Variants in DST observed in about 807,000 individuals in gnomAD.
The protein encoded by DST is bullous pemphigoid antigen.
DST carries 253 observed loss-of-function variants against 875.2 expected under a neutral mutation model. The observed-to-expected ratio is 0.29, with a 90% CI of 0.26 to 0.32. DST has a LOEUF of 0.32. Among genes scored for constraint, DST ranks in the 10% least tolerant of loss-of-function variants. The pLI, the probability that DST is intolerant of heterozygous loss-of-function variation, is 1.00. For synonymous variants in DST, 3,124 were observed against 3,197.1 expected (o/e 0.98, Z 0.77); for missense variants, 8,287 against 9,111.6 (o/e 0.91, Z 3.68).
chr6:56,615,788 T>G (rs1287924094), intron 36 of DST: 1 of 1,614,188 alleles, frequency 6.2e-7, no homozygotes, highest in Non-Finnish European at 8.5e-7. Flanking sequence ...TCCTGTCAAG[T>G]ACTGAAATTC....
rs565434191 is a variant in DST at position 56,636,028 on chromosome 6, A to T, written c.3061-314T>A. 2.0e-5 allele frequency among the ~76,000 whole-genome samples: 3 copies of T among 152,226 alleles called. No individual in the cohort carries two copies. In the South Asian group the frequency reaches 6.2e-4, roughly 32 times the overall value. On this transcript the variant is annotated intron_variant, in intron 23 of 103. Transcript: ENST00000680361. ...AGTGAAATTCCAAGAATACTTAAAAACTTCTATGGTTTTAGAAGTTAAATG... is the reference window on the plus strand; with the variant it reads ...AGTGAAATTCCAAGAATACTTAAAATCTTCTATGGTTTTAGAAGTTAAATG...
chr6:56,490,858 G>GA (rs1414444327), intron 85 of DST, among the ~76,000 whole-genome samples: 1 of 152,128 alleles, frequency 6.6e-6, no homozygotes, highest in Non-Finnish European at 1.5e-5. Flanking sequence ...ATAAATAGAG[G>GA]AAATGCTATA....
chr6:56,674,610 C>CTT (rs2099119191), intron 9 of DST, among the ~76,000 whole-genome samples: 1 of 152,044 alleles, frequency 6.6e-6, no homozygotes, highest in Admixed American at 6.6e-5. Flanking sequence ...CTTTCTTCAT[C>CTT]TTTAAAACTT....
At chr6:56,581,985 T>A (rs1466780938) in intron 49 of DST, among the ~76,000 whole-genome samples, 1 of 152,242 alleles carries the variant, frequency 6.6e-6, no homozygotes, top group African/African-American at 2.4e-5. Context: ...AAAGCTTTTT[T>A]TTTCCACACG....
chr6:56,833,315 CTGTGTT>C (rs1200193922), intron 4 of DST, among the ~76,000 whole-genome samples: 7 of 152,216 alleles, frequency 4.6e-5, no homozygotes, highest in Admixed American at 1.3e-4. Context: ...CAGTGTGAAA[CTGTGTT>C]TGTGGATACT....
At chr6:56,886,782 A>C (rs1204750942) in intron 3 of DST, among the ~76,000 whole-genome samples, 2 of 151,784 alleles carry the variant, frequency 1.3e-5, no homozygotes, top group Non-Finnish European at 2.9e-5. Context: ...GTCTCAAAAA[A>C]AAAAAAAAAA....
intron 80 of DST, 78 bp downstream of exon 80, chr6:56,501,002 G>A (rs762551789): frequency 8.5e-6 from 12 of 1,419,514 alleles, no homozygotes; most frequent in Admixed American, 2.2e-5. Context: ...CACGCATAAA[G>A]AAGAAATATA....
chr6:56,619,973 T>C, intron 36 of DST: 1 of 1,614,132 alleles, frequency 6.2e-7, no homozygotes, highest in Non-Finnish European at 8.5e-7. Context: ...GTCATGTTCT[T>C]GCTGGAGACC....
chr6:56,673,365 C>A (rs144862242), intron 9 of DST, among the ~76,000 whole-genome samples: 1 of 152,158 alleles, frequency 6.6e-6, no homozygotes. Flanking sequence ...GGAACCCTTA[C>A]AATTCAAGAG....
Position 56,557,390 on chromosome 6 carries a change from G to C in DST, c.14569C>G (p.Leu4857Val). 1 of 1,613,662 alleles carries C rather than the reference G, an allele frequency of 6.2e-7. No individual in the cohort carries two copies. Among genetic ancestry groups the C allele is most frequent in the South Asian group, 1.1e-5 (1 of 91,060 alleles). ...AAGGGCCCAAGAACACTGACCATAA[G>C]TTCTTTTTCCACAAGCCACTGTTTC... ...QLKQWLVEKE[L>V]MVSVLGPLSI... Residue 4857 changes from leucine (L) to valine (V), a missense_variant, in exon 59 of 104, where the codon CTT (leucine) becomes GTT (valine). Around this residue, in one of 10 missense-constraint regions of DST, gnomAD observed 1,513 missense variants for 1,677.8 expected, o/e 0.90. Coordinates refer to ENST00000680361, the MANE Select transcript of DST (RefSeq NM_001374736.1).
intron 10 of DST, among the ~76,000 whole-genome samples, chr6:56,665,383 T>C (rs2099067249): frequency 6.6e-6 from 1 of 152,224 alleles, no homozygotes; most frequent in African/African-American, 2.4e-5. Context: ...TATGGCACTA[T>C]TCATTTAGTC....
At chr6:56,570,593 A>C (rs974420716) in intron 53 of DST, among the ~76,000 whole-genome samples, 7 of 152,158 alleles carry the variant, frequency 4.6e-5, no homozygotes, top group African/African-American at 1.7e-4. Context: ...AATACAGATG[A>C]AGCTTTGCTG....
In DST at chr6:56,529,755, A is replaced by T. The variant is rs1252612985; in HGVS notation, c.17288T>A (p.Ile5763Asn). The T allele has an allele frequency of 6.3e-7, 1 of 1,586,492 alleles. No homozygotes were observed. Among genetic ancestry groups the T allele is most frequent in the Non-Finnish European group, 8.6e-7 (1 of 1,167,338 alleles). The change falls in exon 66 of 104, where the codon ATC (isoleucine) becomes AAC (asparagine). Residue 5763 changes from isoleucine (I) to asparagine (N), a missense_variant. Physicochemically the swap from Ile to Asn is moderately radical, Grantham distance 149. Around this residue, in one of 10 missense-constraint regions of DST, gnomAD observed 777 missense variants for 764.8 expected, o/e 1.02. Transcript: ENST00000680361. ...CTGGTGTAAATGTTTATTGTGATTG[A>T]TGATGTCATCTTCTAAGGCCTAAGC... Reference protein sequence around the residue: ...AQHKALEDDIINHNKHLHQAV... With the variant: ...AQHKALEDDINNHNKHLHQAV...
At chr6:56,677,104 T>G (rs1054753638) in intron 9 of DST, among the ~76,000 whole-genome samples, 1 of 152,190 alleles carries the variant, frequency 6.6e-6, no homozygotes, top group Non-Finnish European at 1.5e-5. Context: ...ATGTTGTACA[T>G]GATAAATATA....
chr6:56,774,373 T>C (rs1278887309), intron 4 of DST, among the ~76,000 whole-genome samples: 1 of 152,156 alleles, frequency 6.6e-6, no homozygotes. Flanking sequence ...GCCCCATCCA[T>C]GCCCTACCCA....
chr6:56,933,131 C>T (rs983838184), intron 2 of DST, among the ~76,000 whole-genome samples: 12 of 152,012 alleles, frequency 7.9e-5, no homozygotes, highest in Admixed American at 7.2e-4. Context: ...TCCTGATGGT[C>T]CTGAAAGAAG....
chr6:56,552,548 G>C lies in DST; in HGVS notation c.16244C>G (p.Ala5415Gly). Residue 5415 changes from alanine to glycine, a missense_variant, in exon 61 of 104, where the codon GCA becomes GGA. Ala to Gly is a moderately conservative substitution (Grantham distance 60). This residue lies in a region of DST where 9 missense variants were observed against 25.2 expected (regional missense o/e 0.36). Transcript: ENST00000680361. ...LDSMAPVGRDAETLQKQKETI... is the reference protein window; with the variant it reads ...LDSMAPVGRDGETLQKQKETI... ...TTCCTTTTGCTTTTGCAATGTTTCT[G>C]CATCTCTCCCCACTGGAGCCATGCT... 4 of 1,613,934 alleles carry C rather than the reference G, an allele frequency of 2.5e-6. No homozygotes were observed. The highest frequency in any genetic ancestry group is 1.1e-5 in the South Asian group (1 of 91,072).
At chr6:56,525,505 C>T (rs1169673373) in intron 69 of DST, among the ~76,000 whole-genome samples, 1 of 152,142 alleles carries the variant, frequency 6.6e-6, no homozygotes, top group Non-Finnish European at 1.5e-5. Context: ...TCTATGGCAA[C>T]ATTAGAAAAT....
intron 4 of DST, among the ~76,000 whole-genome samples, chr6:56,756,118 A>G (rs1172288969): frequency 6.6e-6 from 1 of 152,206 alleles, no homozygotes; most frequent in Non-Finnish European, 1.5e-5. Context: ...GAGGAGGTGC[A>G]TTCAGTGAAT....
Sources: allele counts gnomAD v4.1 joint callset (sites outside exome capture counted in the v4.1 genomes callset), GRCh38; gene constraint gnomAD v4.1.1; regional missense constraint gnomAD v4.1.1; transcripts MANE v1.5; gene names NCBI Gene and HGNC (gene_info 2026-07-23, HGNC 2026-07-21).